DDC: variants seen among roughly 807,000 people sequenced by gnomAD.
The protein encoded by DDC is dopa decarboxylase.
A neutral mutation model predicts 60.0 loss-of-function variants in DDC; 43 were observed. The observed-to-expected ratio is 0.72, with a 90% CI of 0.56 to 0.92. DDC has a LOEUF of 0.92. Among genes scored for constraint, DDC ranks in the 40% least tolerant of loss-of-function variants. DDC has a pLI of 0.00. For synonymous variants in DDC, 232 were observed against 234.6 expected (o/e 0.99, Z 0.10); for missense variants, 573 against 620.2 (o/e 0.92, Z 0.81).
chr7:50,545,494 C>T (rs528242723), intron 1 of DDC, among the ~76,000 whole-genome samples: 6 of 152,226 alleles, frequency 3.9e-5, no homozygotes, highest in African/African-American at 4.8e-5. Context: ...TTTTTTGAAA[C>T]GGAGTTTTGC....
At chr7:50,523,511 C>T (rs1432233078) in intron 6 of DDC, among the ~76,000 whole-genome samples, 1 of 152,092 alleles carries the variant, frequency 6.6e-6, no homozygotes, top group Non-Finnish European at 1.5e-5. Context: ...GGGCAAAAGA[C>T]CTGAACAGAC....
intron 4 of DDC, chr7:50,532,007 C>T (rs1657469687): frequency 6.6e-6 from 1 of 152,150 alleles, no homozygotes; most frequent in Non-Finnish European, 1.5e-5. Context: ...ACTTTAAAAC[C>T]CAATTAAGAG....
intron 4 of DDC, among the ~76,000 whole-genome samples, chr7:50,533,163 G>A (rs534213943): frequency 1.1e-4 from 17 of 152,236 alleles, no homozygotes; most frequent in East Asian, 5.8e-4. Context: ...ATCCATATGC[G>A]TAGTATCATT....
rs191709933 is a variant in DDC at position 50,516,087 on chromosome 7, A to T, written c.715-12028T>A. Reference sequence around the variant, plus strand: ...CCTGGAACAAATGGACTTAACAGGTATATACAGAATATTTCATCCAACAAC... The same window carrying T: ...CCTGGAACAAATGGACTTAACAGGTTTATACAGAATATTTCATCCAACAAC... On this transcript the variant is annotated intron_variant, in intron 6 of 14. Transcript: ENST00000444124. 2.0e-5 allele frequency among the ~76,000 whole-genome samples: 3 copies of T among 152,330 alleles called. No individual in the cohort carries two copies. In the East Asian group the frequency reaches 5.8e-4, roughly 29 times the overall value.
chr7:50,532,800 A>G lies in DDC; in HGVS notation c.436-3458T>C, dbSNP rs75963622. ...GAATCATCTGCTGAAAAAATTGAAT[A>G]TGAAATTGTTTTTGTTATAAGATGC... On this transcript the variant is annotated intron_variant, in intron 4 of 14. Coordinates refer to ENST00000444124, the MANE Select transcript of DDC (RefSeq NM_001082971.2). Among the ~76,000 whole-genome samples the G allele has an allele frequency of 2.4e-3, 366 of 152,308 alleles. 2 individuals are homozygous for G. Among genetic ancestry groups the G allele is most frequent in the African/African-American group, 8.0e-3 (332 of 41,572 alleles).
intron 9 of DDC, among the ~76,000 whole-genome samples, chr7:50,480,978 T>C (rs2042756068): frequency 1.3e-5 from 2 of 152,208 alleles, no homozygotes; most frequent in South Asian, 2.1e-4. Flanking sequence ...CTCTGCTTCA[T>C]TGGCAGTGTG....
In DDC at chr7:50,493,007, T is replaced by C. The variant is rs765681514; in HGVS notation, c.944+2343A>G. 1.0e-5 allele frequency: 16 copies of C among 1,596,578 alleles called. No individual in the cohort carries two copies. The Admixed American group carries it at 1.5e-4, about 15-fold the overall frequency. On this transcript the variant is annotated intron_variant, in intron 9 of 14. Coordinates refer to ENST00000444124, the MANE Select transcript of DDC (RefSeq NM_001082971.2). ...AACATACGCACTGGTTGTCTGGACC[T>C]GAGGGCAGGACGCCGCATTCATTAC...
chr7:50,501,040 C>T (rs2153540029), intron 7 of DDC, among the ~76,000 whole-genome samples: 1 of 152,312 alleles, frequency 6.6e-6, no homozygotes, highest in Non-Finnish European at 1.5e-5. Flanking sequence ...ACCAGGCAGA[C>T]ACAGAGACCC....
chr7:50,484,570 A>G (rs2042840041), intron 9 of DDC, among the ~76,000 whole-genome samples: 1 of 152,168 alleles, frequency 6.6e-6, no homozygotes, highest in African/African-American at 2.4e-5. Flanking sequence ...CTAAATTTGC[A>G]TTTCTTGTTA....
At chr7:50,537,658 G>T (rs572506129) in intron 4 of DDC, among the ~76,000 whole-genome samples, 1 of 152,194 alleles carries the variant, frequency 6.6e-6, no homozygotes, top group Non-Finnish European at 1.5e-5. Flanking sequence ...CTGGGGAAGC[G>T]AGTGAAAGAC....
chr7:50,557,522 TC>T (rs1458688750), intron 1 of DDC, among the ~76,000 whole-genome samples: 4 of 152,222 alleles, frequency 2.6e-5, no homozygotes, highest in Non-Finnish European at 4.4e-5. Flanking sequence ...TGACTGGGGA[TC>T]CTTTTTTCAC....
chr7:50,553,778 C>T (rs1482255012), intron 1 of DDC, among the ~76,000 whole-genome samples: 5 of 152,120 alleles, frequency 3.3e-5, no homozygotes, highest in Non-Finnish European at 7.3e-5. Flanking sequence ...AACCACCGTA[C>T]CCAGCCTGAC....
At chr7:50,461,295 T>C (rs947347525) in intron 14 of DDC, among the ~76,000 whole-genome samples, 5 of 152,170 alleles carry the variant, frequency 3.3e-5, no homozygotes, top group Non-Finnish European at 7.3e-5. Context: ...TAAGAATAGT[T>C]CCTACTTTCT....
At chr7:50,550,684 G>C (rs2044964851) in intron 1 of DDC, among the ~76,000 whole-genome samples, 1 of 152,154 alleles carries the variant, frequency 6.6e-6, no homozygotes, top group African/African-American at 2.4e-5. Flanking sequence ...CTCCCGCTGT[G>C]GGCTCCCAGG....
chr7:50,474,156 C>T (rs1191092970), intron 11 of DDC, among the ~76,000 whole-genome samples: 1 of 152,220 alleles, frequency 6.6e-6, no homozygotes, highest in Non-Finnish European at 1.5e-5. Context: ...CTTTCCTTAA[C>T]CGAGGCCAAT....
At chr7:50,554,258 C>G (rs2045107408) in intron 1 of DDC, among the ~76,000 whole-genome samples, 1 of 152,096 alleles carries the variant, frequency 6.6e-6, no homozygotes, top group African/African-American at 2.4e-5. Context: ...TGAGAGCCTG[C>G]TGCAGAGTCA....
chr7:50,560,316 C>T (rs896322035), intron 1 of DDC, among the ~76,000 whole-genome samples: 5 of 152,170 alleles, frequency 3.3e-5, no homozygotes, highest in African/African-American at 1.2e-4. Context: ...ACCCATGTCA[C>T]CTGCCTGAAT....
In DDC at chr7:50,496,186, T is replaced by A. The variant is rs185912474; in HGVS notation, c.877-769A>T. Among the ~76,000 whole-genome samples the A allele has an allele frequency of 2.0e-5, 3 of 152,080 alleles. No homozygotes were observed. The East Asian group carries it at 5.8e-4, about 29-fold the overall frequency. Reference sequence around the variant, plus strand: ...GCAGCCTCAACCTCCCAAGCTCAAGTGATCCTCCTGCCTTAGCTTCCTAAG... The same window carrying A: ...GCAGCCTCAACCTCCCAAGCTCAAGAGATCCTCCTGCCTTAGCTTCCTAAG... On this transcript the variant is annotated intron_variant, in intron 8 of 14. Transcript: ENST00000444124.
At chr7:50,525,098 G>A (rs1480627090) in intron 6 of DDC, among the ~76,000 whole-genome samples, 1 of 152,166 alleles carries the variant, frequency 6.6e-6, no homozygotes, top group African/African-American at 2.4e-5. Context: ...GTCACATATT[G>A]TATAATTCCA....
Sources: allele counts gnomAD v4.1 joint callset (sites outside exome capture counted in the v4.1 genomes callset), GRCh38; gene constraint gnomAD v4.1.1; transcripts MANE v1.5; gene names NCBI Gene and HGNC (gene_info 2026-07-23, HGNC 2026-07-21).